CTIF: variants seen among roughly 807,000 people sequenced by gnomAD.
CTIF encodes cap binding complex dependent translation initiation factor.
CTIF carries 21 observed loss-of-function variants against 66.0 expected under a neutral mutation model. That is an observed-to-expected ratio of 0.32 (90% CI 0.23 to 0.46). The LOEUF (loss-of-function observed/expected upper bound fraction) is 0.46. Ranked by LOEUF, CTIF falls within the 20% of genes least tolerant of loss-of-function variation. The pLI, the probability that CTIF is intolerant of heterozygous loss-of-function variation, is 1.00. For synonymous variants in CTIF, 345 were observed against 326.4 expected (o/e 1.06, Z -0.62); for missense variants, 739 against 812.7 (o/e 0.91, Z 1.10).
At chr18:48,752,552 C>A (rs1907938350) in intron 7 of CTIF, among the ~76,000 whole-genome samples, 1 of 152,212 alleles carries the variant, frequency 6.6e-6, no homozygotes, top group African/African-American at 2.4e-5. Flanking sequence ...AAGGACAAAG[C>A]AACCTCTCTG....
intron 7 of CTIF, among the ~76,000 whole-genome samples, chr18:48,713,557 G>C (rs2145499716): frequency 6.6e-6 from 1 of 152,236 alleles, no homozygotes; most frequent in East Asian, 1.9e-4. Flanking sequence ...TCCGGGTTAG[G>C]TCAGCACACC....
chr18:48,637,727 C>T (rs1049759461), intron 3 of CTIF, among the ~76,000 whole-genome samples: 1 of 152,058 alleles, frequency 6.6e-6, no homozygotes, highest in African/African-American at 2.4e-5. Flanking sequence ...GACGGCTGCC[C>T]AGGATGGTTC....
intron 7 of CTIF, among the ~76,000 whole-genome samples, chr18:48,738,438 A>T (rs1319596911): frequency 6.6e-5 from 10 of 151,950 alleles, no homozygotes; most frequent in Admixed American, 6.6e-4. Context: ...CACCTCTCTG[A>T]CCTCACCATC....
At chr18:48,788,152 G>GT (rs1459076831) in intron 9 of CTIF, among the ~76,000 whole-genome samples, 1 of 152,104 alleles carries the variant, frequency 6.6e-6, no homozygotes, top group Non-Finnish European at 1.5e-5. Context: ...CCTTTAGGCT[G>GT]GGGGGAGAAG....
chr18:48,686,251 T>C (rs1376094197), intron 6 of CTIF, among the ~76,000 whole-genome samples: 1 of 152,246 alleles, frequency 6.6e-6, no homozygotes, highest in Non-Finnish European at 1.5e-5. Context: ...AGATTTTTAT[T>C]TTATTCTAAG....
intron 1 of CTIF, among the ~76,000 whole-genome samples, chr18:48,564,175 A>G (rs1367965032): frequency 1.3e-5 from 2 of 152,168 alleles, no homozygotes; most frequent in Non-Finnish European, 2.9e-5. Context: ...AGGGGCAAGG[A>G]CTTAGGCATC....
At chr18:48,546,556 T>G in intron 1 of CTIF, among the ~76,000 whole-genome samples, 1 of 151,272 alleles carries the variant, frequency 6.6e-6, no homozygotes, top group Admixed American at 6.6e-5. Context: ...GCTCATGGAA[T>G]GTAAGGGAAA....
At chr18:48,573,635 A>T (rs747632492) in intron 1 of CTIF, among the ~76,000 whole-genome samples, 3 of 152,192 alleles carry the variant, frequency 2.0e-5, no homozygotes, top group Non-Finnish European at 4.4e-5. Context: ...ATGGGGAGTT[A>T]ATGAAGGCAG....
intron 9 of CTIF, among the ~76,000 whole-genome samples, chr18:48,775,142 C>G (rs1279068866): frequency 6.6e-6 from 1 of 152,194 alleles, no homozygotes; most frequent in Non-Finnish European, 1.5e-5. Flanking sequence ...AGTTGTGGCG[C>G]CATGCAACTG....
At chr18:48,547,834 G>A (rs1182978959) in intron 1 of CTIF, among the ~76,000 whole-genome samples, 4 of 152,234 alleles carry the variant, frequency 2.6e-5, no homozygotes, top group Non-Finnish European at 5.9e-5. Flanking sequence ...GGCGCAGTCT[G>A]TGATGGGGGA....
intron 6 of CTIF, among the ~76,000 whole-genome samples, chr18:48,691,942 T>G (rs568679339): frequency 3.9e-5 from 6 of 152,298 alleles, no homozygotes; most frequent in African/African-American, 1.4e-4. Context: ...AGCACAGTGG[T>G]GTGATTTCGG....
intron 7 of CTIF, among the ~76,000 whole-genome samples, chr18:48,720,298 G>A (rs2092321649): frequency 6.6e-6 from 1 of 152,172 alleles, no homozygotes; most frequent in Non-Finnish European, 1.5e-5. Flanking sequence ...TTCTTCCAGT[G>A]GTCATTGTCC....
chr18:48,761,100 G>T lies in CTIF; in HGVS notation c.1072-290G>T. The T allele has an allele frequency of 6.5e-6, 2 of 309,146 alleles. No homozygotes were observed. Among genetic ancestry groups the T allele is most frequent in the Non-Finnish European group, 1.2e-5 (2 of 170,102 alleles). The allele number at this position is 309,146 out of a possible 1,614,324, so 19.2% of individuals were successfully genotyped here. ...AAATCTTTTCTAGATTAAGATATTTGATGGACAAATAAACAAAAAAAGCCA... is the reference window on the plus strand; with the variant it reads ...AAATCTTTTCTAGATTAAGATATTTTATGGACAAATAAACAAAAAAAGCCA... On this transcript the variant is annotated intron_variant, in intron 8 of 11. Coordinates refer to ENST00000256413, the MANE Select transcript of CTIF (RefSeq NM_014772.3). The surrounding 1 kb of genome is among the most constrained non-coding windows in gnomAD (Gnocchi z 4.2).
chr18:48,594,016 A>T (rs1477396863), intron 1 of CTIF, among the ~76,000 whole-genome samples: 1 of 152,090 alleles, frequency 6.6e-6, no homozygotes, highest in Admixed American at 6.5e-5. Flanking sequence ...CAAAGAGGTG[A>T]ATTTTTACCT....
At chr18:48,664,378 C>T in intron 4 of CTIF, 69 bp from the exon 5 acceptor site, 2 of 1,375,048 alleles carry the variant, frequency 1.5e-6, no homozygotes, top group Non-Finnish European at 2.1e-6. Context: ...TCAGCCTGGC[C>T]CCCTGGTTCC....
At chr18:48,541,818 G>A (rs2088627594) in intron 1 of CTIF, among the ~76,000 whole-genome samples, 2 of 152,002 alleles carry the variant, frequency 1.3e-5, no homozygotes, top group Admixed American at 1.3e-4. Context: ...TACAGGGCAG[G>A]TTTTCTTCCC....
chr18:48,640,278 T>C (rs920087684), intron 3 of CTIF, among the ~76,000 whole-genome samples: 9 of 152,236 alleles, frequency 5.9e-5, no homozygotes, highest in Non-Finnish European at 2.9e-5. Flanking sequence ...TGCCAAGCTG[T>C]TCCGCGCACA....
chr18:48,797,498 G>T (rs540904952), intron 9 of CTIF, among the ~76,000 whole-genome samples: 2 of 147,448 alleles, frequency 1.4e-5, no homozygotes, highest in South Asian at 2.2e-4. Context: ...GAAAAGGGGT[G>T]GGGGGGCAAG....
intron 9 of CTIF, among the ~76,000 whole-genome samples, chr18:48,795,097 A>G (rs1247885226): frequency 6.6e-6 from 1 of 152,172 alleles, no homozygotes; most frequent in African/African-American, 2.4e-5. Context: ...CTTAGGAAGA[A>G]GCTATATTTT....
Sources: gnomAD v4.1 joint callset for allele counts (sites outside exome capture counted in the v4.1 genomes callset) on GRCh38, gnomAD v4.1.1 for gene constraint, Gnocchi (gnomAD v3.1) non-coding constraint, MANE v1.5 for transcripts, NCBI Gene and HGNC (gene_info 2026-07-23, HGNC 2026-07-21) for gene names.